Variants in KRT78 observed in about 807,000 individuals in gnomAD.
KRT78 encodes keratin 78, also known as keratin, type II cytoskeletal 78.
KRT78 carries 55 observed loss-of-function variants against 51.4 expected under a neutral mutation model. The ratio of observed to expected loss-of-function variants is 1.07; its 90% CI spans 0.86 to 1.34. The LOEUF is 1.34. KRT78 is among the 40% of genes most tolerant of loss of function. KRT78 has a pLI of 0.00. For synonymous variants in KRT78, 291 were observed against 264.3 expected (o/e 1.10, Z -0.98); for missense variants, 652 against 649.4 (o/e 1.00, Z -0.04).
chr12:52,845,986 T>G, intron 4 of KRT78: 1 of 534,798 alleles, frequency 1.9e-6, no homozygotes, highest in South Asian at 2.9e-5. Context: ...TTATCTGTAG[T>G]GATTTTTTTC....
rs771180780 is a variant in KRT78 at position 52,848,858 on chromosome 12, G to T, written c.73C>A (p.Arg25Ser). The T allele has an allele frequency of 6.2e-7, 1 of 1,612,286 alleles. No homozygotes were observed. Among genetic ancestry groups the T allele is most frequent in the East Asian group, 2.2e-5 (1 of 44,880 alleles). The stretch of plus-strand genomic sequence containing the variant: ...CTGCTGCTGAAGCCTCCCCTGCTGC[G>T]GCCCCTTGAGCGAGCAGAACAGGCT... Reference protein sequence around the residue: ...RSACSARSRGRSRGGFSSRGG... With the variant: ...RSACSARSRGSSRGGFSSRGG... Residue 25 changes from arginine (R) to serine (S), a missense_variant, in exon 1 of 9, where the codon CGC (arginine) becomes AGC (serine). Arg to Ser is a moderately radical substitution (Grantham distance 110, BLOSUM62 -1). Coordinates refer to ENST00000304620, the MANE Select transcript of KRT78 (RefSeq NM_173352.4).
intron 2 of KRT78, 138 bp downstream of exon 2, chr12:52,847,769 G>A: frequency 3.0e-6 from 2 of 677,266 alleles, no homozygotes; most frequent in South Asian, 3.7e-5. Context: ...CTGGGGAATG[G>A]GGACGCGGAG....
chr12:52,848,003 T>A lies in KRT78; in HGVS notation c.503A>T (p.Gln168Leu). The A allele has an allele frequency of 6.2e-7, 1 of 1,614,226 alleles. No individual in the cohort carries two copies. Among genetic ancestry groups the A allele is most frequent in the Non-Finnish European group, 8.5e-7 (1 of 1,180,038 alleles). The stretch of plus-strand genomic sequence containing the variant: ...GAGCTGCTCCAGCTGCTTCCTGAGC[T>A]GATCCAGGCAGGCCTCAAAGACAGG... ...LEPVFEACLDQLRKQLEQLQG... is the reference protein window; with the variant it reads ...LEPVFEACLDLLRKQLEQLQG... The change falls in exon 2 of 9, where the codon CAG (glutamine) becomes CTG (leucine). Residue 168 changes from glutamine to leucine, a missense_variant. Coordinates refer to ENST00000304620, the MANE Select transcript of KRT78 (RefSeq NM_173352.4).
In KRT78 at chr12:52,839,389, C is replaced by T. The variant is rs368552513; in HGVS notation, c.1304-17G>A. The T allele has an allele frequency of 8.1e-6, 13 of 1,612,804 alleles. No individual in the cohort carries two copies. Among genetic ancestry groups the T allele is most frequent in the Non-Finnish European group, 1.1e-5 (13 of 1,179,384 alleles). On this transcript the variant is annotated splice_polypyrimidine_tract_variant and intron_variant, in intron 8 of 8. Coordinates refer to ENST00000304620, the MANE Select transcript of KRT78 (RefSeq NM_173352.4). Reference sequence around the variant, plus strand: ...CCACCGAGGCTGCCAAGAAACGCACCGGGTCAGAGCAGGGTCATCAGCTCC... The same window carrying T: ...CCACCGAGGCTGCCAAGAAACGCACTGGGTCAGAGCAGGGTCATCAGCTCC...
chr12:52,842,101 G>T (rs1377619602), intron 6 of KRT78, among the ~76,000 whole-genome samples: 2 of 152,212 alleles, frequency 1.3e-5, no homozygotes, highest in East Asian at 3.8e-4. Flanking sequence ...AATTGAGTAA[G>T]AGGATTCATC....
At position 52,839,908 on chromosome 12, in the gene KRT78, A is replaced by C; in HGVS notation, c.1124T>G (p.Val375Gly). The change falls in exon 7 of 9, where the codon GTG (valine) becomes GGG (glycine). Residue 375 changes from valine (V) to glycine (G), a missense_variant. Val to Gly is a moderately radical substitution (Grantham distance 109). Coordinates refer to ENST00000304620, the MANE Select transcript of KRT78 (RefSeq NM_173352.4). ...ELALKDAQAK[V>G]DELEAALRMA... is the part of the protein sequence containing the mutation. ...CCTCAGAGCAGCCTCCAGCTCGTCC[A>C]CCTTGGCCTGAGCGTCCTTGAGGGC... 6.2e-7 allele frequency: 1 copy of C among 1,613,810 alleles called. No individual in the cohort carries two copies. Among genetic ancestry groups the C allele is most frequent in the South Asian group, 1.1e-5 (1 of 91,052 alleles).
Position 52,838,978 on chromosome 12 carries a change from A to G in KRT78, c.*135T>C. 9.8e-7 allele frequency: 1 copy of G among 1,020,658 alleles called. No homozygotes were observed. Among genetic ancestry groups the G allele is most frequent in the East Asian group, 2.4e-5 (1 of 41,028 alleles). 63.2% of individuals were successfully genotyped at this position (1,020,658 alleles called of 1,614,324 possible). A position where few individuals can be genotyped will look rare whatever the true frequency, so the allele number is the denominator to read the frequency against. ...AGCATTCAGAACAGCAGGAGGGGAG[A>G]CTTTATTGATTTTTGCAGCATCCGC... On this transcript the variant is annotated 3_prime_UTR_variant, in exon 9 of 9. Transcript: ENST00000304620.
intron 4 of KRT78, among the ~76,000 whole-genome samples, chr12:52,844,931 C>T (rs1049288450): frequency 1.3e-5 from 2 of 152,010 alleles, no homozygotes; most frequent in Non-Finnish European, 2.9e-5. Flanking sequence ...AAGTCTCTTG[C>T]AGCTTGGACA....
intron 6 of KRT78, among the ~76,000 whole-genome samples, chr12:52,842,967 AAGGAAGG>A (rs1940540830): frequency 1.9e-5 from 1 of 53,758 alleles, no homozygotes; most frequent in Non-Finnish European, 3.5e-5. Context: ...GAGAGGAAGG[AAGGAAGG>A]AAGGAAGGAA....
intron 6 of KRT78, among the ~76,000 whole-genome samples, chr12:52,842,959 G>GAGAGAGGA (rs1299063277): frequency 3.5e-4 from 19 of 53,744 alleles, no homozygotes; most frequent in African/African-American, 1.2e-3. Flanking sequence ...GAGAGAGAGA[G>GAGAGAGGA]AGGAAGGAAG....
chr12:52,847,869 C>G, intron 2 of KRT78, 38 bp downstream of exon 2: 1 of 1,587,792 alleles, frequency 6.3e-7, no homozygotes, highest in South Asian at 1.1e-5. Flanking sequence ...CATCCCAGAC[C>G]CCGCCCACAT....
In KRT78 at chr12:52,842,950, AGAGAGAGAGAGG is replaced by A. The variant is rs199753785; in HGVS notation, c.1047+1131_1047+1142del. On this transcript the variant is annotated intron_variant, in intron 6 of 8. Transcript: ENST00000304620. ...AGGAAAGAAAGAAAGAGAGAGAGAG[AGAGAGAGAGAGG>A]AAGGAAGGAAGGAAGGAAGGAAGGA... Among the ~76,000 whole-genome samples the A allele has an allele frequency of 6.9e-3, 767 of 110,732 alleles. 16 individuals are homozygous for A. The highest frequency in any genetic ancestry group is 0.056 in the East Asian group (190 of 3,420). The allele number at this position is 110,732 out of a possible 152,430, so 72.6% of individuals were successfully genotyped here.
intron 4 of KRT78, among the ~76,000 whole-genome samples, chr12:52,844,946 T>C (rs1286487914): frequency 6.6e-6 from 1 of 151,716 alleles, no homozygotes; most frequent in Non-Finnish European, 1.5e-5. Flanking sequence ...TGGACATTAA[T>C]GGAAAATGGC....
At position 52,838,401 on chromosome 12, in the gene KRT78, G is replaced by C. The variant is rs1308380810; in HGVS notation, c.*712C>G. ...ATAAGATGAGAGCCAACAGATAAGG[G>C]GGTAGGGGCAGAGTTTGAACCCCAA... is the stretch of plus-strand genomic sequence containing the variant. On this transcript the variant is annotated 3_prime_UTR_variant, in exon 9 of 9. Transcript: ENST00000304620. The C allele has an allele frequency of 6.6e-6, 1 of 152,486 alleles. No individual in the cohort carries two copies. The highest frequency in any genetic ancestry group is 1.5e-5 in the Non-Finnish European group (1 of 68,320). The allele number at this position is 152,486 out of a possible 1,614,324, so 9.4% of individuals were successfully genotyped here.
Position 52,848,580 on chromosome 12 carries a change from G to A in KRT78, c.351C>T (p.Thr117=), listed in dbSNP as rs765635114. 6.2e-7 allele frequency: 1 copy of A among 1,614,068 alleles called. No homozygotes were observed. The highest frequency in any genetic ancestry group is 8.5e-7 in the Non-Finnish European group (1 of 1,179,966). Residue 117 remains threonine, a synonymous_variant, in exon 1 of 9, where the codon ACC becomes ACT. Coordinates refer to ENST00000304620, the MANE Select transcript of KRT78 (RefSeq NM_173352.4). The part of the protein sequence containing the change: ...VRTQETQEIR[T]LNNQFASFID... Reference sequence around the variant, plus strand: ...TGAAGGAAGCAAACTGGTTGTTGAGGGTTCTGATCTCCTGGGTCTCCTGCG... The same window carrying A: ...TGAAGGAAGCAAACTGGTTGTTGAGAGTTCTGATCTCCTGGGTCTCCTGCG...
intron 1 of KRT78, 162 bp from the exon 2 acceptor site, chr12:52,848,283 C>G: frequency 6.5e-7 from 1 of 1,538,338 alleles, no homozygotes; most frequent in South Asian, 1.2e-5. Flanking sequence ...ACACTCTGAA[C>G]ACAACAAAAT....
chr12:52,844,652 C>T lies in KRT78; in HGVS notation c.828G>A (p.Leu276=). The T allele has an allele frequency of 6.2e-7, 1 of 1,614,154 alleles. No individual in the cohort carries two copies. Among genetic ancestry groups the T allele is most frequent in the Admixed American group, 1.7e-5 (1 of 60,012 alleles). ...CCTCAGTGATGATGCTGCTGAAGTC[C>T]AGGTAGCGGTTGTTGTCCATGGACA... ...VVLSMDNNRY[L]DFSSIITEVR... Residue 276 remains leucine, a synonymous_variant, in exon 5 of 9, where the codon CTG becomes CTA. Coordinates refer to ENST00000304620, the MANE Select transcript of KRT78 (RefSeq NM_173352.4).
chr12:52,838,807 G>C lies in KRT78; in HGVS notation c.*306C>G, dbSNP rs1206345564. On this transcript the variant is annotated 3_prime_UTR_variant, in exon 9 of 9. Transcript: ENST00000304620. Reference sequence around the variant, plus strand: ...AAGGAACACACTGGAGAGCTTGAAGGATCCCTTGATAGAGTGGCTGGGATG... The same window carrying C: ...AAGGAACACACTGGAGAGCTTGAAGCATCCCTTGATAGAGTGGCTGGGATG... 1 of 411,506 alleles carries C rather than the reference G, an allele frequency of 2.4e-6. No individual in the cohort carries two copies. Among genetic ancestry groups the C allele is most frequent in the Non-Finnish European group, 4.4e-6 (1 of 226,140 alleles). 25.5% of individuals were successfully genotyped at this position (411,506 alleles called of 1,614,324 possible).
At chr12:52,842,249 T>G (rs1940516079) in intron 6 of KRT78, among the ~76,000 whole-genome samples, 1 of 152,164 alleles carries the variant, frequency 6.6e-6, no homozygotes, top group African/African-American at 2.4e-5. Context: ...CTGTAGTGCT[T>G]GAGGAAATGG....
Sources: allele counts gnomAD v4.1 joint callset (sites outside exome capture counted in the v4.1 genomes callset), GRCh38; gene constraint gnomAD v4.1.1; transcripts MANE v1.5; gene names NCBI Gene and HGNC (gene_info 2026-07-23, HGNC 2026-07-21).